VAV3: variants seen among roughly 807,000 people sequenced by gnomAD.
The protein encoded by VAV3 is guanine nucleotide exchange factor VAV3.
Under a neutral mutation model 131.2 loss-of-function variants are expected in VAV3, and 94 were observed. The ratio of observed to expected loss-of-function variants is 0.72; its 90% CI spans 0.61 to 0.85. The LOEUF is 0.85. Ranked by LOEUF, VAV3 falls within the 40% of genes least tolerant of loss-of-function variation. The pLI, the probability that VAV3 is intolerant of heterozygous loss-of-function variation, is 0.00. For missense variants in VAV3, 939 were observed against 1,002.7 expected (o/e 0.94, Z 0.86); for synonymous variants, 349 against 342.0 (o/e 1.02, Z -0.22).
At chr1:107,788,973 T>G (rs938716267) in intron 2 of VAV3, among the ~76,000 whole-genome samples, 11 of 152,196 alleles carry the variant, frequency 7.2e-5, no homozygotes, top group African/African-American at 2.7e-4. Context: ...ACCATTACAG[T>G]AGCAACTCCA....
chr1:107,725,296 G>C (rs1160289654), intron 15 of VAV3, among the ~76,000 whole-genome samples: 1 of 152,098 alleles, frequency 6.6e-6, no homozygotes, highest in South Asian at 2.1e-4. Context: ...TGTGTGACTG[G>C]TGTCATCACT....
chr1:107,927,080 C>T (rs1476152702), intron 1 of VAV3, among the ~76,000 whole-genome samples: 5 of 152,178 alleles, frequency 3.3e-5, no homozygotes, highest in Admixed American at 3.3e-4. Flanking sequence ...AGAGTAAAGA[C>T]GACCTTGTCT....
At chr1:107,803,729 T>C (rs1477363827) in intron 2 of VAV3, among the ~76,000 whole-genome samples, 1 of 152,128 alleles carries the variant, frequency 6.6e-6, no homozygotes. Context: ...CTACAACAGC[T>C]GGGTGACACA....
chr1:107,723,131 A>G (rs1378518744), intron 15 of VAV3, among the ~76,000 whole-genome samples: 1 of 152,070 alleles, frequency 6.6e-6, no homozygotes, highest in Non-Finnish European at 1.5e-5. Flanking sequence ...TGTATTTTGT[A>G]TCCTCATAAA....
intron 2 of VAV3, among the ~76,000 whole-genome samples, chr1:107,839,877 C>T (rs1046130790): frequency 1.3e-5 from 2 of 152,026 alleles, no homozygotes; most frequent in Non-Finnish European, 2.9e-5. Flanking sequence ...GAAACGATAA[C>T]AAGGGAATAC....
chr1:107,731,378 G>A (rs1267683016), intron 15 of VAV3, among the ~76,000 whole-genome samples: 2 of 152,148 alleles, frequency 1.3e-5, no homozygotes, highest in African/African-American at 4.8e-5. Flanking sequence ...GGTAAGCTAC[G>A]TTAATGAAAG....
intron 1 of VAV3, among the ~76,000 whole-genome samples, chr1:107,909,250 C>T (rs1390313896): frequency 6.6e-6 from 1 of 152,142 alleles, no homozygotes; most frequent in Non-Finnish European, 1.5e-5. Context: ...GGACATTTCA[C>T]ACATAGAAAA....
chr1:107,962,811 G>T (rs1263165306), intron 1 of VAV3, among the ~76,000 whole-genome samples: 1 of 152,196 alleles, frequency 6.6e-6, no homozygotes, highest in South Asian at 2.1e-4. Flanking sequence ...ACGGCACAAA[G>T]AAGGTCATTA....
At chr1:107,754,221 C>T (rs759623639) in intron 12 of VAV3, among the ~76,000 whole-genome samples, 1 of 151,902 alleles carries the variant, frequency 6.6e-6, no homozygotes, top group Admixed American at 6.6e-5. Flanking sequence ...AAGACAACAA[C>T]AAAAAAATCT....
chr1:107,769,589 G>A (rs1053961285), intron 6 of VAV3, among the ~76,000 whole-genome samples: 9 of 152,154 alleles, frequency 5.9e-5, no homozygotes, highest in African/African-American at 1.9e-4. Flanking sequence ...TGATGATAAT[G>A]GCCCAATCTA....
At chr1:107,859,372 C>A (rs1669631416) in intron 2 of VAV3, among the ~76,000 whole-genome samples, 1 of 152,114 alleles carries the variant, frequency 6.6e-6, no homozygotes, top group African/African-American at 2.4e-5. Context: ...CACACCTAGC[C>A]CCTTGAGACA....
chr1:107,668,630 C>T, intron 19 of VAV3: 1 of 985,224 alleles, frequency 1.0e-6, no homozygotes, highest in Non-Finnish European at 1.2e-6. Flanking sequence ...ATTAGCAAAC[C>T]ATCAACTTTT....
chr1:107,659,132 T>A (rs1341927584), intron 19 of VAV3, among the ~76,000 whole-genome samples: 1 of 152,042 alleles, frequency 6.6e-6, no homozygotes, highest in Non-Finnish European at 1.5e-5. Context: ...TTGTATAAGG[T>A]GTAAGGAAGG....
Position 107,704,543 on chromosome 1 carries a change from G to T in VAV3, c.1705+7C>A. 1 of 1,608,242 alleles carries T rather than the reference G, an allele frequency of 6.2e-7. No individual in the cohort carries two copies. Among genetic ancestry groups the T allele is most frequent in the South Asian group, 1.1e-5 (1 of 90,500 alleles). On this transcript the variant is annotated splice_region_variant and intron_variant, in intron 17 of 26. Transcript: ENST00000370056. ...AAAACAGAATTGCAACAATAAACATGACTTACCACCAGAATTAACTCTGCC... is the reference window on the plus strand; with the variant it reads ...AAAACAGAATTGCAACAATAAACATTACTTACCACCAGAATTAACTCTGCC...
chr1:107,699,940 G>C (rs1659995332), intron 17 of VAV3, among the ~76,000 whole-genome samples: 1 of 152,150 alleles, frequency 6.6e-6, no homozygotes, highest in Non-Finnish European at 1.5e-5. Flanking sequence ...TAGGATTCTT[G>C]GTGAAGGTGG....
At chr1:107,908,865 AC>A (rs1557916905) in intron 1 of VAV3, among the ~76,000 whole-genome samples, 20 of 136,326 alleles carry the variant, frequency 1.5e-4, no homozygotes, top group African/African-American at 5.9e-4. Flanking sequence ...ACACACACAC[AC>A]ACACACACAA....
At chr1:107,758,685 A>G (rs1205528640) in intron 10 of VAV3, among the ~76,000 whole-genome samples, 2 of 152,060 alleles carry the variant, frequency 1.3e-5, no homozygotes, top group East Asian at 3.9e-4. Context: ...TATAATATAA[A>G]TCAGATCCTG....
At chr1:107,698,377 A>T (rs1364896399) in intron 17 of VAV3, among the ~76,000 whole-genome samples, 1 of 152,238 alleles carries the variant, frequency 6.6e-6, no homozygotes, top group Non-Finnish European at 1.5e-5. Context: ...CACAAGGGGA[A>T]GCAAACAATA....
At chr1:107,628,809 T>G (rs1027608845) in intron 20 of VAV3, among the ~76,000 whole-genome samples, 1 of 152,296 alleles carries the variant, frequency 6.6e-6, no homozygotes, top group East Asian at 1.9e-4. Flanking sequence ...TGCAATTTTA[T>G]AAACAGGTCA....
Sources: gnomAD v4.1 joint callset for allele counts (sites outside exome capture counted in the v4.1 genomes callset) on GRCh38, gnomAD v4.1.1 for gene constraint, MANE v1.5 for transcripts, NCBI Gene and HGNC (gene_info 2026-07-23, HGNC 2026-07-21) for gene names.